The following PPP6C variants were observed in gnomAD, a reference collection of about 807,000 sequenced individuals.
PPP6C encodes the protein serine/threonine-protein phosphatase 6 catalytic subunit.
A neutral mutation model predicts 39.8 loss-of-function variants in PPP6C; 11 were observed. That is an observed-to-expected ratio of 0.28 (90% CI 0.17 to 0.46). The LOEUF (loss-of-function observed/expected upper bound fraction) is 0.46, where lower values mean the gene tolerates loss of function less well. Among genes scored for constraint, PPP6C ranks in the 20% least tolerant of loss-of-function variants. The pLI is 1.00. For missense variants in PPP6C, 211 were observed against 373.9 expected (o/e 0.56, Z 3.59); for synonymous variants, 129 against 130.3 (o/e 0.99, Z 0.07).
Position 125,149,915 on chromosome 9 carries a change from G to T in PPP6C, c.676C>A (p.His226Asn), listed in dbSNP as rs368841630. The change falls in exon 7 of 7, where the codon CAT becomes AAT. Residue 226 changes from histidine to asparagine, a missense_variant. Coordinates refer to ENST00000373547, the MANE Select transcript of PPP6C (RefSeq NM_002721.5). ...FGAKVTNEFV[H>N]INNLKLICRA... ...CAGATGAGTTTTAAGTTGTTGATATGAACAAACTGCAATTTAGAAAGGCAC... is the reference window on the plus strand; with the variant it reads ...CAGATGAGTTTTAAGTTGTTGATATTAACAAACTGCAATTTAGAAAGGCAC... 4.3e-6 allele frequency: 7 copies of T among 1,612,642 alleles called. No individual in the cohort carries two copies. Among genetic ancestry groups the T allele is most frequent in the Non-Finnish European group, 5.9e-6 (7 of 1,179,204 alleles).
chr9:125,188,839 A>G (rs2131349079), intron 1 of PPP6C: 1 of 704,384 alleles, frequency 1.4e-6, no homozygotes, highest in East Asian at 3.7e-5. Context: ...TTTAAAAAAG[A>G]AAAGCAGTAT....
intron 1 of PPP6C, among the ~76,000 whole-genome samples, chr9:125,172,752 A>C (rs10819039): frequency 0.011 from 1,199 of 108,306 alleles, 3 homozygotes; most frequent in East Asian, 0.029. Context: ...CACACACACA[A>C]ACACACACAC....
chr9:125,163,069 ACT>A (rs1013156936), intron 2 of PPP6C, among the ~76,000 whole-genome samples: 5 of 151,968 alleles, frequency 3.3e-5, no homozygotes, highest in Middle Eastern at 3.4e-3. Context: ...ACACAGCAAG[ACT>A]CTGTCTCAAA....
intron 5 of PPP6C, 51 bp from the exon 6 acceptor site, chr9:125,153,793 A>C: frequency 6.4e-7 from 1 of 1,563,884 alleles, no homozygotes; most frequent in African/African-American, 1.4e-5. Flanking sequence ...AGGCATATCT[A>C]AACTCATCAG....
intron 2 of PPP6C, among the ~76,000 whole-genome samples, chr9:125,161,480 G>C (rs1828875375): frequency 6.6e-6 from 1 of 152,086 alleles, no homozygotes; most frequent in South Asian, 2.1e-4. Flanking sequence ...GTTTGGCTCT[G>C]TTACCCAGGC....
In PPP6C at chr9:125,155,986, C is replaced by CAT. The variant is rs1836062539; in HGVS notation, c.380-2003_380-2002dup. Among the ~76,000 whole-genome samples, 5 of 150,382 alleles carry CAT rather than the reference C, an allele frequency of 3.3e-5. No individual in the cohort carries two copies. The South Asian group carries it at 1.0e-3, about 32-fold the overall frequency. Reference sequence around the variant, plus strand: ...TATATTATACATGTAGCATTAGTTACATATATATAGTAGGTGTGTGTGTTT... The same window carrying CAT: ...TATATTATACATGTAGCATTAGTTACATATATATATAGTAGGTGTGTGTGTTT... On this transcript the variant is annotated intron_variant, in intron 4 of 6. Transcript: ENST00000373547.
At position 125,176,827 on chromosome 9, in the gene PPP6C, T is replaced by G. The variant is rs969210506; in HGVS notation, c.76-5647A>C. Among the ~76,000 whole-genome samples, 6 of 151,962 alleles carry G rather than the reference T, an allele frequency of 3.9e-5. No individual in the cohort carries two copies. The East Asian group carries it at 1.2e-3, about 29-fold the overall frequency. On this transcript the variant is annotated intron_variant, in intron 1 of 6. Transcript: ENST00000373547. ...TAGTAGAAGTAGAAAATAGGGAAAA[T>G]AGATTCCAGATGTTATCTGAATGTA...
Position 125,156,744 on chromosome 9 carries a change from G to GCTCTCTCT in PPP6C, c.379+1489_379+1496dup, listed in dbSNP as rs61252351. ...CCTGAAGGGGCTTCCTAATAAGCTCGCTCTCTCTCTCTCTCTCTCTCTCTC... is the reference window on the plus strand; with the variant it reads ...CCTGAAGGGGCTTCCTAATAAGCTCGCTCTCTCTCTCTCTCTCTCTCTCTCTCTCTCTC... On this transcript the variant is annotated intron_variant, in intron 4 of 6. Transcript: ENST00000373547. 7.2e-3 allele frequency among the ~76,000 whole-genome samples: 1,021 copies of GCTCTCTCT among 141,406 alleles called. 10 individuals are homozygous for GCTCTCTCT. Among genetic ancestry groups the GCTCTCTCT allele is most frequent in the Admixed American group, 0.024 (346 of 14,192 alleles). 92.8% of individuals were successfully genotyped at this position (141,406 alleles called of 152,430 possible). A position where few individuals can be genotyped will look rare whatever the true frequency, so the allele number is the denominator to read the frequency against.
chr9:125,156,031 A>G (rs1829232493), intron 4 of PPP6C, among the ~76,000 whole-genome samples: 1 of 152,036 alleles, frequency 6.6e-6, no homozygotes, highest in African/African-American at 2.4e-5. Context: ...TAGTTTTAGT[A>G]CTGTTTTCAC....
intron 2 of PPP6C, among the ~76,000 whole-genome samples, chr9:125,163,637 G>A (rs1483963820): frequency 1.3e-5 from 2 of 151,914 alleles, no homozygotes; most frequent in African/African-American, 2.4e-5. Context: ...CACCATGTTG[G>A]TCAGGCTGGT....
At chr9:125,171,462 C>CACACACACACATAT (rs2131327990) in intron 1 of PPP6C, among the ~76,000 whole-genome samples, 1 of 42,870 alleles carries the variant, frequency 2.3e-5, no homozygotes, top group Admixed American at 2.7e-4. Context: ...CACACATATA[C>CACACACACACATAT]ACACACACAC....
At chr9:125,152,546 G>A (rs1227472723) in intron 6 of PPP6C, among the ~76,000 whole-genome samples, 4 of 152,072 alleles carry the variant, frequency 2.6e-5, no homozygotes, top group East Asian at 1.9e-4. Flanking sequence ...AAGATTTGAC[G>A]TAGGCTGGGC....
At chr9:125,174,365 G>T (rs1322290545) in intron 1 of PPP6C, among the ~76,000 whole-genome samples, 4 of 150,494 alleles carry the variant, frequency 2.7e-5, no homozygotes, top group African/African-American at 9.7e-5. Context: ...AAATAGAGTT[G>T]TTAATTTCCT....
At chr9:125,178,014 T>C (rs904792664) in intron 1 of PPP6C, among the ~76,000 whole-genome samples, 4 of 152,212 alleles carry the variant, frequency 2.6e-5, no homozygotes, top group African/African-American at 9.6e-5. Context: ...TAATATTTCA[T>C]TGTCTGGGTG....
chr9:125,164,889 C>T (rs1252592835), intron 2 of PPP6C, among the ~76,000 whole-genome samples: 1 of 152,166 alleles, frequency 6.6e-6, no homozygotes, highest in Non-Finnish European at 1.5e-5. Context: ...CAGTCATGTG[C>T]CACCATGCCC....
intron 1 of PPP6C, among the ~76,000 whole-genome samples, chr9:125,188,298 T>C (rs1043471589): frequency 6.6e-6 from 1 of 151,924 alleles, no homozygotes; most frequent in African/African-American, 2.4e-5. Flanking sequence ...GGCAGGAGAA[T>C]GGCGTGAACC....
At position 125,150,715 on chromosome 9, in the gene PPP6C, T is replaced by A. The variant is rs1049432328; in HGVS notation, c.670-794A>T. 6.0e-6 allele frequency: 5 copies of A among 835,706 alleles called. No homozygotes were observed. In the African/African-American group the frequency reaches 8.6e-5, roughly 14 times the overall value. The allele number at this position is 835,706 out of a possible 1,614,324, so 51.8% of individuals were successfully genotyped here. On this transcript the variant is annotated intron_variant, in intron 6 of 6. Coordinates refer to ENST00000373547, the MANE Select transcript of PPP6C (RefSeq NM_002721.5). ...TTATCTCAGAAAACTGCCGATCGCC[T>A]GGGCCTGGAGCTCGGCAAGGCAGTG...
rs1005397558 is a variant in PPP6C at position 125,171,191 on chromosome 9, A to G, written c.76-11T>C. On this transcript the variant is annotated splice_polypyrimidine_tract_variant and intron_variant, in intron 1 of 6. Coordinates refer to ENST00000373547, the MANE Select transcript of PPP6C (RefSeq NM_002721.5). ...GTAGTCACATAGCCGCTATAAAAAG[A>G]GAAAATAAAAGGTAAACATTTACTA... 1.3e-6 allele frequency: 2 copies of G among 1,517,810 alleles called. No homozygotes were observed. The highest frequency in any genetic ancestry group is 1.4e-5 in the African/African-American group (1 of 71,114). 94.0% of individuals were successfully genotyped at this position (1,517,810 alleles called of 1,614,324 possible).
chr9:125,158,094 A>AT, intron 4 of PPP6C, 147 bp downstream of exon 4: 1 of 834,860 alleles, frequency 1.2e-6, no homozygotes, highest in Non-Finnish European at 1.8e-6. Context: ...TCTCTCGAGC[A>AT]TAAGATTTTC....
Sources: allele counts gnomAD v4.1 joint callset (sites outside exome capture counted in the v4.1 genomes callset), GRCh38; gene constraint gnomAD v4.1.1; transcripts MANE v1.5; gene names NCBI Gene and HGNC (gene_info 2026-07-23, HGNC 2026-07-21).